OGT: variants seen among roughly 807,000 people sequenced by gnomAD.
OGT encodes the protein O-linked N-acetylglucosamine (GlcNAc) transferase.
OGT carries 3 observed loss-of-function variants against 75.8 expected under a neutral mutation model. That is an observed-to-expected ratio of 0.04 (90% CI 0.02 to 0.10). OGT has a LOEUF of 0.10. Among genes scored for constraint, OGT ranks in the 10% least tolerant of loss-of-function variants. The pLI is 1.00. For synonymous variants in OGT, 257 were observed against 289.7 expected (o/e 0.89, Z 1.15); for missense variants, 260 against 824.4 (o/e 0.32, Z 8.38).
At chrX:71,544,861 G>T (rs2040248553) in intron 4 of OGT, 1 of 392,565 alleles carries the variant, frequency 2.5e-6, no homozygotes, top group African/African-American at 2.5e-5. Context: ...TTTCTGCTGA[G>T]CTAGACCATC....
intron 3 of OGT, among the ~76,000 whole-genome samples, chrX:71,543,697 C>T (rs1233283304): frequency 9.5e-6 from 1 of 104,899 alleles, no homozygotes; most frequent in Non-Finnish European, 2.0e-5. Flanking sequence ...AGTGATTCAT[C>T]ATAACCTTGA....
chrX:71,552,713 T>G (rs75577587), intron 5 of OGT, among the ~76,000 whole-genome samples: 13 of 104,149 alleles, frequency 1.2e-4, no homozygotes, highest in Non-Finnish European at 2.4e-4. Context: ...ATTGCTGTCT[T>G]TTTTTTTTTT....
At position 71,543,734 on chromosome X, in the gene OGT, A is replaced by ATGTG. The variant is rs1156448647; in HGVS notation, c.463-803_463-800dup. 4.7e-3 allele frequency among the ~76,000 whole-genome samples: 386 copies of ATGTG among 82,423 alleles called. 2 individuals carry two copies. Among genetic ancestry groups the ATGTG allele is most frequent in the Non-Finnish European group, 7.1e-3 (294 of 41,137 alleles). The allele number at this position is 82,423 out of a possible 115,157, so 71.6% of individuals were successfully genotyped here. On this transcript the variant is annotated intron_variant, in intron 3 of 21. Coordinates refer to ENST00000373719, the MANE Select transcript of OGT (RefSeq NM_181672.3). ...TAACATAGTTGGACAAATATTTGAG[A>ATGTG]TGTGTGTGTGTGTGTGTGTGTGTGT... is the stretch of plus-strand genomic sequence containing the variant.
rs372639837 is a variant in OGT, at chrX:71,567,803, C to T, written c.2842+51C>T. 2.3e-4 allele frequency: 267 copies of T among 1,137,520 alleles called. 1 individual carries two copies. The South Asian group carries it at 4.8e-3, about 21-fold the overall frequency. The allele number at this position is 1,137,520 out of a possible 1,213,427, so 93.7% of individuals were successfully genotyped here. On this transcript the variant is annotated intron_variant, in intron 20 of 21. Transcript: ENST00000373719. ...TCTTCCTTGTTCCTTTGAAAATCTC[C>T]GTTTGGGGGAGAAACTTCCAGGTGA...
intron 12 of OGT, among the ~76,000 whole-genome samples, chrX:71,558,774 T>TA (rs1186955341): frequency 1.1e-5 from 1 of 90,233 alleles, no homozygotes; most frequent in Non-Finnish European, 2.2e-5. Flanking sequence ...ACTTTTTTTT[T>TA]TTTTTTTTTT....
intron 19 of OGT, among the ~76,000 whole-genome samples, chrX:71,565,629 A>G (rs958358726): frequency 4.5e-5 from 5 of 112,242 alleles, no homozygotes; most frequent in African/African-American, 1.6e-4. Flanking sequence ...TTAAATTTAC[A>G]TATTCAAAGC....
chrX:71,570,347 T>A (rs1569431662), intron 21 of OGT, among the ~76,000 whole-genome samples: 1 of 112,005 alleles, frequency 8.9e-6, no homozygotes, highest in East Asian at 2.8e-4. Flanking sequence ...CGGGTATTTC[T>A]TAAATGAGGT....
chrX:71,563,437 C>T lies in OGT; in HGVS notation c.2374C>T (p.Arg792Ter). Reference protein sequence around the residue: ...IAEAVIEMINRGQIQITINGF... With the variant: ...IAEAVIEMIN Reference sequence around the variant, plus strand: ...AGAAGCAGTTATTGAAATGATTAACCGAGGACAGATTCAAATAACAATTAA... The same window carrying T: ...AGAAGCAGTTATTGAAATGATTAACTGAGGACAGATTCAAATAACAATTAA... The change falls in exon 18 of 22, where the codon CGA becomes TGA. Residue 792 changes from arginine (R) to a stop codon, truncating the protein, a stop_gained. Transcript: ENST00000373719. LOFTEE classifies it high-confidence loss of function. The T allele has an allele frequency of 8.3e-7, 1 of 1,206,366 alleles. No individual in the cohort carries two copies. The highest frequency in any genetic ancestry group is 1.1e-6 in the Non-Finnish European group (1 of 891,835).
chrX:71,540,405 A>G (rs2040209245), intron 3 of OGT, among the ~76,000 whole-genome samples: 1 of 112,153 alleles, frequency 8.9e-6, no homozygotes, highest in African/African-American at 3.2e-5. Context: ...GCATTCTATG[A>G]AAAATGGTTA....
intron 3 of OGT, among the ~76,000 whole-genome samples, chrX:71,543,022 G>A (rs761254493): frequency 9.0e-6 from 1 of 111,414 alleles, no homozygotes; most frequent in African/African-American, 3.3e-5. Context: ...TCAGGGAGAT[G>A]ATGGAACTGA....
chrX:71,536,075 C>A, intron 1 of OGT, 103 bp from the exon 2 acceptor site: 2 of 680,791 alleles, frequency 2.9e-6, no homozygotes, highest in Non-Finnish European at 4.3e-6. Flanking sequence ...CAAGCATTTC[C>A]ATTTTTAAGT....
chrX:71,574,828 A>G lies in OGT; in HGVS notation c.*1034A>G, dbSNP rs911129786. 1.8e-5 allele frequency: 2 copies of G among 108,999 alleles called. No individual in the cohort carries two copies. 9.0% of individuals were successfully genotyped at this position (108,999 alleles called of 1,213,427 possible). ...CAGAAATGAAATCCCAGGTAAGTAT[A>G]AGTATTCAAGTATTTGATCAGTAAG... is the stretch of plus-strand genomic sequence containing the variant. On this transcript the variant is annotated 3_prime_UTR_variant, in exon 22 of 22. Coordinates refer to ENST00000373719, the MANE Select transcript of OGT (RefSeq NM_181672.3).
At chrX:71,544,759 G>A (rs186233263) in intron 4 of OGT, 124 bp downstream of exon 4, 14 of 555,958 alleles carry the variant, frequency 2.5e-5, no homozygotes, top group African/African-American at 2.1e-4. Context: ...GAAAACTGAC[G>A]GCACGAATCG....
At chrX:71,570,042 T>G (rs1255453809) in intron 21 of OGT, among the ~76,000 whole-genome samples, 5 of 78,054 alleles carry the variant, frequency 6.4e-5, no homozygotes, top group South Asian at 7.4e-4. Flanking sequence ...CGTTTTTTTT[T>G]TTTTTTTTTT....
chrX:71,556,486 C>T, intron 8 of OGT, 194 bp from the exon 9 acceptor site: 1 of 377,602 alleles, frequency 2.6e-6, no homozygotes, highest in South Asian at 6.6e-5. Flanking sequence ...AAGAGGTGTA[C>T]CTCATTATGT....
At chrX:71,544,746 G>A in intron 4 of OGT, 111 bp downstream of exon 4, 1 of 617,497 alleles carries the variant, frequency 1.6e-6, no homozygotes. Context: ...CTTTGAAACT[G>A]AGGAAAACTG....
At chrX:71,546,830 G>T (rs776755346) in intron 4 of OGT, 40 of 754,750 alleles carry the variant, frequency 5.3e-5, no homozygotes, top group Non-Finnish European at 6.3e-5. Flanking sequence ...CATTGCGTGC[G>T]AATGAACCCC....
Position 71,552,538 on chromosome X carries a change from G to A in OGT, c.649-1975G>A, listed in dbSNP as rs1277964560. Among the ~76,000 whole-genome samples, 7 of 109,385 alleles carry A rather than the reference G, an allele frequency of 6.4e-5. No individual in the cohort carries two copies. In the East Asian group the frequency reaches 1.5e-3, roughly 23 times the overall value. The allele number at this position is 109,385 out of a possible 115,157, so 95.0% of individuals were successfully genotyped here. ...GGAGTAGGTGGGACTACAGGCGTGC[G>A]CCATCATGCCCGGCTAGCTTTTTGT... On this transcript the variant is annotated intron_variant, in intron 5 of 21. Coordinates refer to ENST00000373719, the MANE Select transcript of OGT (RefSeq NM_181672.3).
rs761312764 is a variant in OGT at position 71,533,351 on chromosome X, T to C, written c.37+15T>C. 48 of 1,188,390 alleles carry C rather than the reference T, an allele frequency of 4.0e-5. No individual in the cohort carries two copies. Among genetic ancestry groups the C allele is most frequent in the Non-Finnish European group, 5.4e-5 (48 of 882,454 alleles). On this transcript the variant is annotated intron_variant, in intron 1 of 21. Coordinates refer to ENST00000373719, the MANE Select transcript of OGT (RefSeq NM_181672.3). ...CGACAGCACAGGTACCGGTGTCCCG[T>C]TCTACCTTGGCAGATGCCCCCTTGG...
Sources: gnomAD v4.1 joint callset for allele counts (sites outside exome capture counted in the v4.1 genomes callset) on GRCh38, gnomAD v4.1.1 for gene constraint, MANE v1.5 for transcripts, NCBI Gene and HGNC (gene_info 2026-07-23, HGNC 2026-07-21) for gene names.